Variants in MTX2 observed in about 807,000 individuals in gnomAD.
The protein encoded by MTX2 is metaxin 2.
Under a neutral mutation model 42.3 loss-of-function variants are expected in MTX2, and 35 were observed. The ratio of observed to expected loss-of-function variants is 0.83; its 90% CI spans 0.63 to 1.10. The LOEUF (loss-of-function observed/expected upper bound fraction) is 1.10, where lower values mean the gene tolerates loss of function less well. Ranked by LOEUF, MTX2 falls within the 50% of genes least tolerant of loss-of-function variation. The probability of loss-of-function intolerance (pLI) is 0.00; values close to 1 mark genes in which losing one functional copy is unlikely to be tolerated. For synonymous variants in MTX2, 119 were observed against 100.9 expected (o/e 1.18, Z -1.08); for missense variants, 307 against 304.1 (o/e 1.01, Z -0.07).
At position 176,289,830 on chromosome 2, in the gene MTX2, A is replaced by C. The variant is rs147649834; in HGVS notation, c.41-7030A>C. ...TATTAGCTTAAATGATGCCTATATA[A>C]AATTTAATCTTGGTTAATTTAAATT... On this transcript the variant is annotated intron_variant, in intron 1 of 9. Transcript: ENST00000249442. 2.3e-3 allele frequency among the ~76,000 whole-genome samples: 353 copies of C among 152,162 alleles called. 8 individuals carry two copies. In the East Asian group the frequency reaches 0.044, roughly 19 times the overall value.
chr2:176,322,064 A>C (rs1237786767), intron 3 of MTX2, among the ~76,000 whole-genome samples: 1 of 152,154 alleles, frequency 6.6e-6, no homozygotes, highest in African/African-American at 2.4e-5. Context: ...TGCATACATA[A>C]GTTACAGAGC....
At chr2:176,292,111 C>T (rs1329515132) in intron 1 of MTX2, among the ~76,000 whole-genome samples, 1 of 152,208 alleles carries the variant, frequency 6.6e-6, no homozygotes, top group African/African-American at 2.4e-5. Context: ...CTTTCTTCCT[C>T]AGCCTCCATT....
chr2:176,311,401 A>C (rs1684301119), intron 3 of MTX2, among the ~76,000 whole-genome samples: 1 of 152,234 alleles, frequency 6.6e-6, no homozygotes, highest in Non-Finnish European at 1.5e-5. Context: ...CTCAGAGCTC[A>C]AACGCTGTGG....
At chr2:176,301,741 C>T (rs931012650) in intron 3 of MTX2, among the ~76,000 whole-genome samples, 1 of 152,138 alleles carries the variant, frequency 6.6e-6, no homozygotes, top group Admixed American at 6.6e-5. Context: ...CAAATTACTT[C>T]TGACATTTCT....
chr2:176,285,418 C>CTTTTTTT (rs61139522), intron 1 of MTX2, among the ~76,000 whole-genome samples: 4 of 130,784 alleles, frequency 3.1e-5, no homozygotes, highest in Non-Finnish European at 3.2e-5. Flanking sequence ...TTGCCACAAT[C>CTTTTTTT]TTTTTTTTTT....
chr2:176,271,552 T>C (rs150051552), intron 1 of MTX2, among the ~76,000 whole-genome samples: 215 of 152,292 alleles, frequency 1.4e-3, no homozygotes, highest in African/African-American at 4.9e-3. Context: ...TGAAAAGATG[T>C]TCTCTGTCCC....
At chr2:176,331,389 C>T (rs1329861126) in intron 9 of MTX2, among the ~76,000 whole-genome samples, 1 of 150,892 alleles carries the variant, frequency 6.6e-6, no homozygotes, top group African/African-American at 2.4e-5. Context: ...AAAGTCTGAC[C>T]TTTTCTTGAC....
chr2:176,297,800 A>G (rs1683925792), intron 2 of MTX2, 49 bp from the exon 3 acceptor site: 3 of 1,294,182 alleles, frequency 2.3e-6, no homozygotes, highest in South Asian at 1.7e-5. Flanking sequence ...AAAAATAAAA[A>G]TACTATATTC....
At chr2:176,270,473 T>A in intron 1 of MTX2, 3 of 1,251,306 alleles carry the variant, frequency 2.4e-6, no homozygotes, top group South Asian at 1.2e-5. Flanking sequence ...AGAAATTAAA[T>A]ATTGTTGAGA....
chr2:176,274,081 A>G (rs574467218), intron 1 of MTX2, among the ~76,000 whole-genome samples: 153 of 152,248 alleles, frequency 1.0e-3, no homozygotes, highest in Middle Eastern at 6.8e-3. Flanking sequence ...TTAACCATTT[A>G]ATGTAAGTCT....
chr2:176,287,956 T>G (rs1575037237), intron 1 of MTX2, among the ~76,000 whole-genome samples: 1 of 151,750 alleles, frequency 6.6e-6, no homozygotes. Context: ...TTCCCTGTTC[T>G]CCAACACAAG....
At chr2:176,271,228 A>C (rs1168143030) in intron 1 of MTX2, among the ~76,000 whole-genome samples, 1 of 152,214 alleles carries the variant, frequency 6.6e-6, no homozygotes, top group Non-Finnish European at 1.5e-5. Flanking sequence ...CTACTAAGTC[A>C]TTACACCACA....
chr2:176,302,126 G>GTTTTTTTTT (rs80143449), intron 3 of MTX2, among the ~76,000 whole-genome samples: 168 of 125,218 alleles, frequency 1.3e-3, no homozygotes, highest in African/African-American at 4.7e-3. Flanking sequence ...AAAAGCTGGT[G>GTTTTTTTTT]TTTTTTTTTT....
chr2:176,302,782 C>T (rs1049872234), intron 3 of MTX2, among the ~76,000 whole-genome samples: 2 of 152,110 alleles, frequency 1.3e-5, no homozygotes, highest in South Asian at 4.1e-4. Flanking sequence ...GGGCCATGAA[C>T]ACTCACATTT....
intron 3 of MTX2, among the ~76,000 whole-genome samples, chr2:176,311,593 T>G (rs988011757): frequency 6.6e-6 from 1 of 152,232 alleles, no homozygotes; most frequent in African/African-American, 2.4e-5. Context: ...GTTTACCTAC[T>G]CAAGCCTCAG....
chr2:176,312,881 AAAAG>A (rs1299719109), intron 3 of MTX2, among the ~76,000 whole-genome samples: 7 of 151,228 alleles, frequency 4.6e-5, no homozygotes, highest in Non-Finnish European at 7.4e-5. Flanking sequence ...AAAAAAAAAA[AAAAG>A]AAAGAAAGAA....
intron 5 of MTX2, 68 bp from the exon 6 acceptor site, chr2:176,328,225 G>T: frequency 1.0e-6 from 1 of 959,554 alleles, no homozygotes; most frequent in Non-Finnish European, 1.5e-6. Context: ...TTATTTGTTA[G>T]TGAGATAACT....
In MTX2 at chr2:176,308,023, T is replaced by C. The variant is rs562957372; in HGVS notation, c.135+10128T>C. On this transcript the variant is annotated intron_variant, in intron 3 of 9. Transcript: ENST00000249442. ...CCATTTTTGCCTATTCAGTATGATA[T>C]TGGCTGTGGGTTTGTCATAAATAGC... Among the ~76,000 whole-genome samples the C allele has an allele frequency of 4.6e-5, 7 of 152,270 alleles. No individual in the cohort carries two copies. In the South Asian group the frequency reaches 1.5e-3, roughly 32 times the overall value.
chr2:176,304,120 T>G (rs1192111251), intron 3 of MTX2: 1 of 154,368 alleles, frequency 6.5e-6, no homozygotes, highest in Non-Finnish European at 1.5e-5. Flanking sequence ...GAAAATACAC[T>G]TAAATTTGAG....
Sources: gnomAD v4.1 joint callset for allele counts (sites outside exome capture counted in the v4.1 genomes callset) on GRCh38, gnomAD v4.1.1 for gene constraint, MANE v1.5 for transcripts, NCBI Gene and HGNC (gene_info 2026-07-23, HGNC 2026-07-21) for gene names.